ANKLE2: variants seen among roughly 807,000 people sequenced by gnomAD.
ANKLE2 encodes the protein ankyrin repeat and LEM domain containing 2.
A neutral mutation model predicts 84.2 loss-of-function variants in ANKLE2; 55 were observed. That is an observed-to-expected ratio of 0.65 (90% CI 0.53 to 0.82). The LOEUF is 0.82. Ranked by LOEUF, ANKLE2 falls within the 40% of genes least tolerant of loss-of-function variation. The probability of loss-of-function intolerance (pLI) is 0.00; values close to 1 mark genes in which losing one functional copy is unlikely to be tolerated. For missense variants in ANKLE2, 1,238 were observed against 1,201.9 expected (o/e 1.03, Z -0.44); for synonymous variants, 551 against 486.1 (o/e 1.13, Z -1.76).
intron 12 of ANKLE2, among the ~76,000 whole-genome samples, chr12:132,727,644 G>A (rs866800689): frequency 2.9e-3 from 431 of 148,494 alleles, no homozygotes; most frequent in African/African-American, 0.01. Context: ...ACACGCGCCC[G>A]GGCGGAGGAG....
intron 9 of ANKLE2, chr12:132,734,823 C>T (rs552458529): frequency 6.2e-6 from 3 of 482,976 alleles, no homozygotes; most frequent in African/African-American, 4.0e-5. Flanking sequence ...AGGAAGGAGG[C>T]CTCAGCCCGA....
At chr12:132,733,650 A>T (rs1417967804) in intron 10 of ANKLE2, among the ~76,000 whole-genome samples, 14 of 86,854 alleles carry the variant, frequency 1.6e-4, no homozygotes, top group East Asian at 3.8e-4. Flanking sequence ...TGGTGTCTGA[A>T]ATACACTGTG....
chr12:132,735,321 T>C lies in ANKLE2; in HGVS notation c.1700+85A>G. Reference sequence around the variant, plus strand: ...GAAAAGCCTTCTGGAAATTGGTACTTTGAAGCTGTGATTTGACCTTCTGTC... The same window carrying C: ...GAAAAGCCTTCTGGAAATTGGTACTCTGAAGCTGTGATTTGACCTTCTGTC... On this transcript the variant is annotated intron_variant, in intron 9 of 12. Coordinates refer to ENST00000357997, the MANE Select transcript of ANKLE2 (RefSeq NM_015114.3). 3.2e-6 allele frequency: 4 copies of C among 1,247,488 alleles called. No homozygotes were observed. In the South Asian group the frequency reaches 3.6e-5, roughly 11 times the overall value. The allele number at this position is 1,247,488 out of a possible 1,614,324, so 77.3% of individuals were successfully genotyped here.
At chr12:132,756,530 T>TCAA (rs765187349) in intron 1 of ANKLE2, 1 of 151,816 alleles carries the variant, frequency 6.6e-6, no homozygotes, top group Non-Finnish European at 1.5e-5. Context: ...AGACCCTGTC[T>TCAA]CAACAACAAC....
chr12:132,753,753 CAAAACAAAACAAAAA>C, intron 2 of ANKLE2, among the ~76,000 whole-genome samples: 1 of 151,332 alleles, frequency 6.6e-6, no homozygotes, highest in East Asian at 2.0e-4. Context: ...AAAAACAAAA[CAAAACAAAACAAAAA>C]AAAACCATAA....
chr12:132,727,163 C>T lies in ANKLE2; in HGVS notation c.*79G>A, dbSNP rs2043714755. 3 of 1,381,928 alleles carry T rather than the reference C, an allele frequency of 2.2e-6. No homozygotes were observed. The highest frequency in any genetic ancestry group is 1.9e-6 in the Non-Finnish European group (2 of 1,043,654). The allele number at this position is 1,381,928 out of a possible 1,614,324, so 85.6% of individuals were successfully genotyped here. On this transcript the variant is annotated 3_prime_UTR_variant, in exon 13 of 13. Transcript: ENST00000357997. ...GTAATAATTTAATCAGAATATATTC[C>T]TTTTTGACAGTTTAGCAATAAACAT... is the stretch of plus-strand genomic sequence containing the variant.
intron 1 of ANKLE2, chr12:132,759,188 C>A (rs1251287300): frequency 1.8e-5 from 1 of 57,002 alleles, no homozygotes; most frequent in African/African-American, 9.6e-5. Flanking sequence ...GGGGCACCCA[C>A]GTGGCAGAGT....
chr12:132,743,293 A>G lies in ANKLE2; in HGVS notation c.1231-17T>C, dbSNP rs2044168358. On this transcript the variant is annotated splice_polypyrimidine_tract_variant and intron_variant, in intron 5 of 12. Transcript: ENST00000357997. The surrounding 1 kb of genome is among the most constrained non-coding windows in gnomAD (Gnocchi z 4.1). Reference sequence around the variant, plus strand: ...GTCATAGCCCTGAAAAAAGGTGCAGAGGAAGTACAATTATTCACACTTGTC... The same window carrying G: ...GTCATAGCCCTGAAAAAAGGTGCAGGGGAAGTACAATTATTCACACTTGTC... 2 of 1,584,436 alleles carry G rather than the reference A, an allele frequency of 1.3e-6. No homozygotes were observed. Among genetic ancestry groups the G allele is most frequent in the Non-Finnish European group, 1.7e-6 (2 of 1,164,038 alleles).
rs2136197434 is a variant in ANKLE2 at position 132,761,732 on chromosome 12, C to T, written c.67G>A (p.Val23Met). 1 of 1,320,634 alleles carries T rather than the reference C, an allele frequency of 7.6e-7. No homozygotes were observed. Among genetic ancestry groups the T allele is most frequent in the African/African-American group, 1.5e-5 (1 of 65,600 alleles). The allele number at this position is 1,320,634 out of a possible 1,614,324, so 81.8% of individuals were successfully genotyped here. Residue 23 changes from valine to methionine, a missense_variant, in exon 1 of 13, where the codon GTG becomes ATG. Coordinates refer to ENST00000357997, the MANE Select transcript of ANKLE2 (RefSeq NM_015114.3). ...AGCCACCGCACAGCGATCAGCAGCA[C>T]CGAGGCGCCCAGCAGCTCCCAGGCC... is the stretch of plus-strand genomic sequence containing the variant. ...ALAWELLGAS[V>M]LLIAVRWLVR...
At chr12:132,759,902 G>T (rs1330020129) in intron 1 of ANKLE2, 1 of 152,090 alleles carries the variant, frequency 6.6e-6, no homozygotes, top group Non-Finnish European at 1.5e-5. Flanking sequence ...GGGAAGCTGA[G>T]GCAGGTGGAT....
chr12:132,761,624 C>A lies in ANKLE2; in HGVS notation c.175G>T (p.Ala59Ser), dbSNP rs1453033691. The A allele has an allele frequency of 1.6e-6, 2 of 1,255,436 alleles. No individual in the cohort carries two copies. Among genetic ancestry groups the A allele is most frequent in the African/African-American group, 1.6e-5 (1 of 63,986 alleles). 77.8% of individuals were successfully genotyped at this position (1,255,436 alleles called of 1,614,324 possible). A position where few individuals can be genotyped will look rare whatever the true frequency, so the allele number is the denominator to read the frequency against. Residue 59 changes from alanine (A) to serine (S), a missense_variant, in exon 1 of 13, where the codon GCC becomes TCC. By Grantham distance (99) the Ala-to-Ser change is moderately conservative (BLOSUM62 1). Coordinates refer to ENST00000357997, the MANE Select transcript of ANKLE2 (RefSeq NM_015114.3). ...GCGACCGCCTGGGCCTTACCTGAGGCGGGGGCGGCGGCCGCGCTTGGCGGA... is the reference window on the plus strand; with the variant it reads ...GCGACCGCCTGGGCCTTACCTGAGGAGGGGGCGGCGGCCGCGCTTGGCGGA... ...VPPPSAAAAP[A>S]SGEMTMDALL... is the part of the protein sequence containing the mutation.
chr12:132,730,268 T>C lies in ANKLE2; in HGVS notation c.1894A>G (p.Ser632Gly). 1.3e-6 allele frequency: 2 copies of C among 1,555,602 alleles called. No homozygotes were observed. Among genetic ancestry groups the C allele is most frequent in the Non-Finnish European group, 1.7e-6 (2 of 1,149,450 alleles). ...AACGCCCTCACGGAAATGGAATTGC[T>C]GCCTGTGAGGACAACAAGGAGCACT... ...SCRDKATTSGSNSISVRAFLD... is the reference protein window; with the variant it reads ...SCRDKATTSGGNSISVRAFLD... The change falls in exon 11 of 13, where the codon AGC becomes GGC. Residue 632 changes from serine to glycine, a missense_variant and splice_region_variant. By Grantham distance (56) the Ser-to-Gly change is moderately conservative. Transcript: ENST00000357997.
At position 132,739,732 on chromosome 12, in the gene ANKLE2, T is replaced by C. The variant is rs144203261; in HGVS notation, c.1420+1687A>G. On this transcript the variant is annotated intron_variant, in intron 7 of 12. Transcript: ENST00000357997. ...GTCTCTCTCTGAGTGACGGGAAGGGTGGGATGCAGGATGCAGCCAGCCCTG... is the reference window on the plus strand; with the variant it reads ...GTCTCTCTCTGAGTGACGGGAAGGGCGGGATGCAGGATGCAGCCAGCCCTG... 2.9e-3 allele frequency among the ~76,000 whole-genome samples: 446 copies of C among 152,190 alleles called. 1 individual carries two copies. Among genetic ancestry groups the C allele is most frequent in the African/African-American group, 9.0e-3 (374 of 41,514 alleles).
chr12:132,746,553 C>A (rs867992476), intron 5 of ANKLE2, among the ~76,000 whole-genome samples: 9 of 151,998 alleles, frequency 5.9e-5, no homozygotes, highest in Admixed American at 3.3e-4. Context: ...AGAAAGTAAA[C>A]TGAATATCAA....
intron 3 of ANKLE2, 58 bp downstream of exon 3, chr12:132,750,585 A>G: frequency 6.3e-7 from 1 of 1,591,200 alleles, no homozygotes; most frequent in Non-Finnish European, 8.6e-7. Context: ...AGAAGGCACA[A>G]AACAGGGTGG....
chr12:132,730,797 AGAGT>A (rs1270751115), intron 10 of ANKLE2: 2 of 153,684 alleles, frequency 1.3e-5, no homozygotes, highest in Admixed American at 6.5e-5. Flanking sequence ...CCTGTGCCAC[AGAGT>A]GAGACCCTAT....
rs769877837 is a variant in ANKLE2, at chr12:132,747,946, G to A, written c.1116C>T (p.Asp372=). Residue 372 remains aspartate, a synonymous_variant, in exon 5 of 13, where the codon GAC becomes GAT. Transcript: ENST00000357997. The stretch of plus-strand genomic sequence containing the variant: ...TCATGAAGTCAGGGTTCTCCAGGAC[G>A]TCCAGAGTCAGCTGGCAGATGGAAG... ...NQASICQLTL[D]VLENPDFMRL... The A allele has an allele frequency of 1.6e-5, 25 of 1,600,418 alleles. No homozygotes were observed. The highest frequency in any genetic ancestry group is 2.2e-5 in the East Asian group (1 of 44,854).
At chr12:132,745,122 G>GCCCATCACT (rs2044208541) in intron 5 of ANKLE2, 1 of 152,738 alleles carries the variant, frequency 6.5e-6, no homozygotes, top group African/African-American at 2.4e-5. Context: ...GGCTCCCACA[G>GCCCATCACT]CGCCCGCACC....
rs1246862439 is a variant in ANKLE2, at chr12:132,726,389, A to G, written c.*853T>C. 1 of 152,258 alleles carries G rather than the reference A, an allele frequency of 6.6e-6. No homozygotes were observed. Among genetic ancestry groups the G allele is most frequent in the Non-Finnish European group, 1.5e-5 (1 of 68,062 alleles). 9.4% of individuals were successfully genotyped at this position (152,258 alleles called of 1,614,324 possible). A position where few individuals can be genotyped will look rare whatever the true frequency, so the allele number is the denominator to read the frequency against. Reference sequence around the variant, plus strand: ...GAGTTCCAAAATAACGGATACCTTTATCGTATAATCATTTATGCTCAACAA... The same window carrying G: ...GAGTTCCAAAATAACGGATACCTTTGTCGTATAATCATTTATGCTCAACAA... On this transcript the variant is annotated 3_prime_UTR_variant, in exon 13 of 13. Transcript: ENST00000357997.
Sources: allele counts gnomAD v4.1 joint callset (sites outside exome capture counted in the v4.1 genomes callset), GRCh38; gene constraint gnomAD v4.1.1; non-coding constraint Gnocchi (gnomAD v3.1); transcripts MANE v1.5; gene names NCBI Gene and HGNC (gene_info 2026-07-23, HGNC 2026-07-21).